Variants in EBF1 observed in about 807,000 individuals in gnomAD.
The protein encoded by EBF1 is EBF transcription factor 1, also known as transcription factor COE1.
A neutral mutation model predicts 68.4 loss-of-function variants in EBF1; 10 were observed. The ratio of observed to expected loss-of-function variants is 0.15; its 90% CI spans 0.09 to 0.25. The LOEUF (loss-of-function observed/expected upper bound fraction) is 0.25. Ranked by LOEUF, EBF1 falls within the 10% of genes least tolerant of loss-of-function variation. EBF1 has a pLI of 1.00. For synonymous variants in EBF1, 298 were observed against 299.8 expected (o/e 0.99, Z 0.06); for missense variants, 509 against 794.4 (o/e 0.64, Z 4.32).
chr5:158,830,511 C>T lies in EBF1; in HGVS notation c.637-7194G>A, dbSNP rs145288006. ...GTCTCGATCTCTTGAGCTCGTGATC[C>T]GTCCATCTCGGCCTCCCAAAAGTGC... On this transcript the variant is annotated intron_variant, in intron 7 of 15. Transcript: ENST00000313708. Among the ~76,000 whole-genome samples the T allele has an allele frequency of 2.6e-5, 4 of 152,260 alleles. No homozygotes were observed. In the East Asian group the frequency reaches 7.7e-4, roughly 29 times the overall value.
chr5:159,095,157 C>A (rs921902806), intron 4 of EBF1, among the ~76,000 whole-genome samples: 5 of 152,188 alleles, frequency 3.3e-5, no homozygotes, highest in Admixed American at 2.0e-4. Context: ...TGGTCATCTG[C>A]GCTCTCAGCC....
At chr5:158,889,330 G>T (rs1800692356) in intron 6 of EBF1, among the ~76,000 whole-genome samples, 1 of 152,108 alleles carries the variant, frequency 6.6e-6, no homozygotes, top group South Asian at 2.1e-4. Context: ...ATTCTGCTGA[G>T]GACAGTATTT....
chr5:158,892,218 G>T lies in EBF1; in HGVS notation c.555-52108C>A, dbSNP rs550149759. ...ATCCAAAAATCTGAGGCCAGGCACA[G>T]TGGCTTATGCCTGTAATCCCATCAC... is the stretch of plus-strand genomic sequence containing the variant. On this transcript the variant is annotated intron_variant, in intron 6 of 15. Coordinates refer to ENST00000313708, the MANE Select transcript of EBF1 (RefSeq NM_024007.5). Among the ~76,000 whole-genome samples, 3 of 152,312 alleles carry T rather than the reference G, an allele frequency of 2.0e-5. No individual in the cohort carries two copies. In the South Asian group the frequency reaches 6.2e-4, roughly 32 times the overall value.
chr5:158,843,007 C>T (rs11748883), intron 6 of EBF1, among the ~76,000 whole-genome samples: 3,323 of 152,194 alleles, frequency 0.022, 39 homozygotes, highest in East Asian at 0.043. Context: ...TGATAGCAAT[C>T]GTACTGTAAC....
intron 11 of EBF1, among the ~76,000 whole-genome samples, chr5:158,726,656 G>T (rs1763051944): frequency 6.6e-6 from 1 of 152,156 alleles, no homozygotes; most frequent in Non-Finnish European, 1.5e-5. Flanking sequence ...CCCTGAGAAG[G>T]TCCCCAGGCC....
chr5:158,774,409 T>A (rs992384229), intron 10 of EBF1, among the ~76,000 whole-genome samples: 2 of 152,004 alleles, frequency 1.3e-5, no homozygotes, highest in African/African-American at 4.8e-5. Context: ...ATGCCAACTC[T>A]CTCTTGCATA....
chr5:158,931,228 C>A (rs980389457), intron 6 of EBF1, among the ~76,000 whole-genome samples: 1 of 152,156 alleles, frequency 6.6e-6, no homozygotes, highest in Non-Finnish European at 1.5e-5. Flanking sequence ...TAACTTAAAG[C>A]GGTCACTATT....
chr5:159,080,647 T>C (rs1422669), intron 5 of EBF1, among the ~76,000 whole-genome samples: 77,517 of 152,048 alleles, frequency 0.51, 21,268 homozygotes, highest in African/African-American at 0.73. Context: ...ACAAATACTC[T>C]TACTATTAAT....
chr5:158,975,324 C>G (rs1212475896), intron 6 of EBF1, among the ~76,000 whole-genome samples: 2 of 152,070 alleles, frequency 1.3e-5, no homozygotes, highest in Non-Finnish European at 2.9e-5. Context: ...TAGTACATAC[C>G]GTATGCTGTG....
intron 10 of EBF1, among the ~76,000 whole-genome samples, chr5:158,736,340 G>T (rs181942327): frequency 1.1e-4 from 16 of 152,302 alleles, no homozygotes; most frequent in African/African-American, 3.8e-4. Context: ...AACACCAGGG[G>T]AAAAGTGCTT....
At chr5:158,964,501 A>T (rs1368880850) in intron 6 of EBF1, among the ~76,000 whole-genome samples, 1 of 152,130 alleles carries the variant, frequency 6.6e-6, no homozygotes, top group Non-Finnish European at 1.5e-5. Flanking sequence ...TCAGACAAGC[A>T]GAATAAAATG....
At chr5:158,944,230 C>G (rs1334647875) in intron 6 of EBF1, among the ~76,000 whole-genome samples, 1 of 152,132 alleles carries the variant, frequency 6.6e-6, no homozygotes, top group South Asian at 2.1e-4. Context: ...TCCTCCACCC[C>G]CCTACAGGCC....
chr5:158,978,797 T>TACACACAC (rs57930371), intron 6 of EBF1, among the ~76,000 whole-genome samples: 65 of 143,018 alleles, frequency 4.5e-4, no homozygotes, highest in East Asian at 3.4e-3. Context: ...CACACACACA[T>TACACACAC]ACACACACAC....
At chr5:158,880,518 G>A (rs1562202877) in intron 6 of EBF1, among the ~76,000 whole-genome samples, 1 of 152,128 alleles carries the variant, frequency 6.6e-6, no homozygotes, top group African/African-American at 2.4e-5. Flanking sequence ...CTAAACATAT[G>A]TACATATTTG....
chr5:158,714,075 G>A, intron 12 of EBF1, 42 bp downstream of exon 12: 1 of 1,597,608 alleles, frequency 6.3e-7, no homozygotes, highest in Non-Finnish European at 8.6e-7. Flanking sequence ...ATCTTTAATT[G>A]CATGTGGCAG....
intron 6 of EBF1, among the ~76,000 whole-genome samples, chr5:158,947,052 A>G (rs1814911633): frequency 6.6e-6 from 1 of 152,138 alleles, no homozygotes; most frequent in Non-Finnish European, 1.5e-5. Context: ...AACCTCAAGC[A>G]TCCCAGGTTG....
rs543325493 is a variant in EBF1, at chr5:158,980,467, C to G, written c.554+92929G>C. ...GGCCAGATCCGCAGCCAAGACTCCT[C>G]TCTCTGTCTCCATGGCGTGAACAGG... On this transcript the variant is annotated intron_variant, in intron 6 of 15. Transcript: ENST00000313708. 1.4e-4 allele frequency among the ~76,000 whole-genome samples: 22 copies of G among 152,336 alleles called. No homozygotes were observed. The South Asian group carries it at 1.5e-3, about 10-fold the overall frequency.
intron 6 of EBF1, among the ~76,000 whole-genome samples, chr5:158,959,552 A>G (rs1817759767): frequency 6.6e-6 from 1 of 152,148 alleles, no homozygotes; most frequent in Non-Finnish European, 1.5e-5. Flanking sequence ...TCGGCCTCCC[A>G]AAGTGCTGGG....
At chr5:158,872,996 ATTTTTTTTTTTTTT>A (rs539493620) in intron 6 of EBF1, among the ~76,000 whole-genome samples, 5 of 81,122 alleles carry the variant, frequency 6.2e-5, no homozygotes, top group East Asian at 3.7e-4. Context: ...AATGACACTA[ATTTTTTTTTTTTTT>A]TTTTTTTTTT....
Sources: allele counts gnomAD v4.1 joint callset (sites outside exome capture counted in the v4.1 genomes callset), GRCh38; gene constraint gnomAD v4.1.1; transcripts MANE v1.5; gene names NCBI Gene and HGNC (gene_info 2026-07-23, HGNC 2026-07-21).